Variants in HCRTR2 observed in about 807,000 individuals in gnomAD.
HCRTR2 encodes the protein hypocretin receptor 2, also known as orexin receptor type 2.
Under a neutral mutation model 49.0 loss-of-function variants are expected in HCRTR2, and 22 were observed. The ratio of observed to expected loss-of-function variants is 0.45; its 90% CI spans 0.32 to 0.64. The LOEUF (loss-of-function observed/expected upper bound fraction) is 0.64. Ranked by LOEUF, HCRTR2 falls within the 30% of genes least tolerant of loss-of-function variation. The probability of loss-of-function intolerance (pLI) is 0.04; values close to 1 mark genes in which losing one functional copy is unlikely to be tolerated. For missense variants in HCRTR2, 491 were observed against 559.4 expected, an observed-to-expected ratio of 0.88 and a Z score of 1.23; for synonymous variants, 236 against 205.3, an observed-to-expected ratio of 1.15 and a Z score of -1.28.
At chr6:55,125,652 G>C (rs887714083) in intron 1 of HCRTR2, among the ~76,000 whole-genome samples, 1 of 152,146 alleles carries the variant, frequency 6.6e-6, no homozygotes, top group Non-Finnish European at 1.5e-5. Flanking sequence ...AAATTTGAAT[G>C]TTGGCCTGTC....
At chr6:55,156,553 T>C (rs1037587506) in intron 1 of HCRTR2, among the ~76,000 whole-genome samples, 2 of 151,592 alleles carry the variant, frequency 1.3e-5, no homozygotes, top group African/African-American at 4.8e-5. Context: ...TCTCTCACTC[T>C]CTCTTTCTCT....
intron 1 of HCRTR2, among the ~76,000 whole-genome samples, chr6:55,150,509 C>T (rs565205080): frequency 4.6e-5 from 7 of 151,918 alleles, no homozygotes; most frequent in South Asian, 4.1e-4. Context: ...CCACCTCCCC[C>T]GGCCCTGGAT....
chr6:55,279,888 T>C (rs1767155272), intron 5 of HCRTR2, among the ~76,000 whole-genome samples: 2 of 152,092 alleles, frequency 1.3e-5, no homozygotes, highest in African/African-American at 4.8e-5. Flanking sequence ...GTTGAAGGCA[T>C]ATGATACTTT....
intron 1 of HCRTR2, among the ~76,000 whole-genome samples, chr6:55,153,645 T>A (rs895641960): frequency 1.5e-4 from 23 of 152,068 alleles, no homozygotes; most frequent in Non-Finnish European, 2.9e-4. Context: ...AATCAGGAAG[T>A]GTGATATCTC....
intron 1 of HCRTR2, among the ~76,000 whole-genome samples, chr6:55,167,754 C>A (rs537319372): frequency 9.2e-5 from 14 of 152,218 alleles, no homozygotes; most frequent in African/African-American, 3.4e-4. Context: ...GGGCAAGTAC[C>A]CCCAAAGTTA....
chr6:55,170,214 C>T (rs11963819), upstream of HCRTR2, among the ~76,000 whole-genome samples: 379 of 149,794 alleles, frequency 2.5e-3, 3 homozygotes, highest in African/African-American at 8.9e-3. Flanking sequence ...TTTATTTATA[C>T]ATAGTATTTG....
chr6:55,114,229 T>C (rs534046874), intron 1 of HCRTR2, among the ~76,000 whole-genome samples: 4 of 151,758 alleles, frequency 2.6e-5, no homozygotes, highest in African/African-American at 9.6e-5. Flanking sequence ...AAAAAACTTA[T>C]TCATGTAACC....
chr6:55,246,164 C>T (rs905313250), intron 1 of HCRTR2, among the ~76,000 whole-genome samples: 1 of 152,144 alleles, frequency 6.6e-6, no homozygotes, highest in South Asian at 2.1e-4. Flanking sequence ...GACAGGACAG[C>T]CCTGCTGACA....
intron 4 of HCRTR2, among the ~76,000 whole-genome samples, chr6:55,267,633 G>A (rs751904219): frequency 2.4e-4 from 37 of 152,068 alleles, no homozygotes; most frequent in Non-Finnish European, 4.6e-4. Context: ...GTCAGCTATG[G>A]TGTGAGGTAC....
intron 1 of HCRTR2, among the ~76,000 whole-genome samples, chr6:55,117,748 G>C (rs1484952528): frequency 8.5e-6 from 1 of 118,312 alleles, no homozygotes; most frequent in African/African-American, 3.3e-5. Context: ...TGAGGTTTTA[G>C]CCAACATGCT....
At chr6:55,169,529 A>G (rs1391757924), upstream of HCRTR2, among the ~76,000 whole-genome samples, 1 of 151,390 alleles carries the variant, frequency 6.6e-6, no homozygotes, top group Non-Finnish European at 1.5e-5. Context: ...TTCCCTTTTT[A>G]TAAATGTCTA....
chr6:55,167,701 G>T (rs1227220831), intron 1 of HCRTR2, among the ~76,000 whole-genome samples: 1 of 152,104 alleles, frequency 6.6e-6, no homozygotes, highest in African/African-American at 2.4e-5. Context: ...ACCCTTCAGA[G>T]CACCCGACGA....
At chr6:55,171,381 A>G (rs1764947250), upstream of HCRTR2, among the ~76,000 whole-genome samples, 1 of 152,176 alleles carries the variant, frequency 6.6e-6, no homozygotes, top group Non-Finnish European at 1.5e-5. Context: ...GTGTTTGTAA[A>G]ATGGATTGAT....
intron 4 of HCRTR2, among the ~76,000 whole-genome samples, chr6:55,265,774 T>A (rs1470661677): frequency 1.3e-5 from 2 of 152,096 alleles, no homozygotes; most frequent in African/African-American, 4.8e-5. Flanking sequence ...CTCCACCAAG[T>A]AGTAGTGACA....
chr6:55,264,261 G>A (rs370576281), intron 4 of HCRTR2, among the ~76,000 whole-genome samples: 39 of 152,068 alleles, frequency 2.6e-4, no homozygotes, highest in East Asian at 2.5e-3. Context: ...GAACATATAG[G>A]TTAAATCTCC....
intron 1 of HCRTR2, among the ~76,000 whole-genome samples, chr6:55,134,726 C>T (rs1010157973): frequency 1.3e-5 from 2 of 151,900 alleles, no homozygotes; most frequent in African/African-American, 2.4e-5. Context: ...CGACATCATA[C>T]AGTATTTGTC....
intron 4 of HCRTR2, among the ~76,000 whole-genome samples, chr6:55,270,872 C>CA (rs1258303345): frequency 6.6e-6 from 1 of 152,016 alleles, no homozygotes; most frequent in Admixed American, 6.6e-5. Context: ...CCTACAATTA[C>CA]AAAATATCAT....
At chr6:55,138,492 C>T (rs554352769) in intron 1 of HCRTR2, among the ~76,000 whole-genome samples, 1 of 152,284 alleles carries the variant, frequency 6.6e-6, no homozygotes, top group South Asian at 2.1e-4. Flanking sequence ...TGTTGCAAAG[C>T]AATATGCGCA....
intron 4 of HCRTR2, among the ~76,000 whole-genome samples, chr6:55,267,244 C>T (rs528739809): frequency 6.6e-6 from 1 of 152,250 alleles, no homozygotes; most frequent in South Asian, 2.1e-4. Flanking sequence ...CTTAAAATTA[C>T]AGAGATGCAT....
Sources: gnomAD v4.1 joint callset for allele counts (sites outside exome capture counted in the v4.1 genomes callset) on GRCh38, gnomAD v4.1.1 for gene constraint, MANE v1.5 for transcripts, NCBI Gene and HGNC (gene_info 2026-07-23, HGNC 2026-07-21) for gene names.